The following SLC4A1 variants were observed in gnomAD, a reference collection of about 807,000 sequenced individuals.
The protein encoded by SLC4A1 is band 3 anion transport protein.
A neutral mutation model predicts 93.1 loss-of-function variants in SLC4A1; 29 were observed. The ratio of observed to expected loss-of-function variants is 0.31; its 90% CI spans 0.23 to 0.42. The LOEUF (loss-of-function observed/expected upper bound fraction) is 0.42. SLC4A1 is among the 20% of genes least tolerant of loss of function. SLC4A1 has a pLI of 1.00. For missense variants in SLC4A1, 965 were observed against 1,190.1 expected, an observed-to-expected ratio of 0.81 and a Z score of 2.78; for synonymous variants, 469 against 497.2, an observed-to-expected ratio of 0.94 and a Z score of 0.76.
chr17:44,260,829 C>A lies in SLC4A1; in HGVS notation c.169-14G>T, dbSNP rs758009143. The A allele has an allele frequency of 6.2e-7, 1 of 1,609,280 alleles. No individual in the cohort carries two copies. Among genetic ancestry groups the A allele is most frequent in the Non-Finnish European group, 8.5e-7 (1 of 1,179,974 alleles). On this transcript the variant is annotated splice_polypyrimidine_tract_variant and intron_variant, in intron 4 of 19. Transcript: ENST00000262418. Reference sequence around the variant, plus strand: ...CTCCACATAGACCTGTGGCCCCATGCGCCTGAGTTAGTTCATCAGGCATAG... The same window carrying A: ...CTCCACATAGACCTGTGGCCCCATGAGCCTGAGTTAGTTCATCAGGCATAG...
Position 44,250,187 on chromosome 17 carries a change from A to G in SLC4A1, c.*271T>C, listed in dbSNP as rs1191055112. 8 of 463,906 alleles carry G rather than the reference A, an allele frequency of 1.7e-5. No homozygotes were observed. Among genetic ancestry groups the G allele is most frequent in the Non-Finnish European group, 3.2e-5 (8 of 249,260 alleles). 28.7% of individuals were successfully genotyped at this position (463,906 alleles called of 1,614,324 possible). On this transcript the variant is annotated 3_prime_UTR_variant, in exon 20 of 20. Coordinates refer to ENST00000262418, the MANE Select transcript of SLC4A1 (RefSeq NM_000342.4). ...AGGGCTCAGATCTAAGTCTTCCAGC[A>G]CGGGATCCCCAGTGAAAGTGTGGCA...
chr17:44,266,347 G>T (rs2047495941), intron 1 of SLC4A1, among the ~76,000 whole-genome samples: 1 of 152,162 alleles, frequency 6.6e-6, no homozygotes, highest in Admixed American at 6.5e-5. Flanking sequence ...AGATGCTAAG[G>T]CCTCCAGGGT....
At chr17:44,253,663 T>G (rs1304671198) in intron 16 of SLC4A1, among the ~76,000 whole-genome samples, 1 of 152,152 alleles carries the variant, frequency 6.6e-6, no homozygotes, top group African/African-American at 2.4e-5. Context: ...AGTTGTCATT[T>G]TGCATTTTTT....
chr17:44,248,568 T>G lies in SLC4A1; in HGVS notation c.*1890A>C, dbSNP rs2047313267. 1 of 152,274 alleles carries G rather than the reference T, an allele frequency of 6.6e-6. No individual in the cohort carries two copies. The highest frequency in any genetic ancestry group is 1.5e-5 in the Non-Finnish European group (1 of 68,122). The allele number at this position is 152,274 out of a possible 1,614,324, so 9.4% of individuals were successfully genotyped here. A position where few individuals can be genotyped will look rare whatever the true frequency, so the allele number is the denominator to read the frequency against. Reference sequence around the variant, plus strand: ...GATCCCAGCAGCTCCCCTCCGAGGTTGGGCTCTTCACCAACCAAGGCCTTT... The same window carrying G: ...GATCCCAGCAGCTCCCCTCCGAGGTGGGGCTCTTCACCAACCAAGGCCTTT... On this transcript the variant is annotated 3_prime_UTR_variant, in exon 20 of 20. Coordinates refer to ENST00000262418, the MANE Select transcript of SLC4A1 (RefSeq NM_000342.4).
At chr17:44,262,097 T>TTGGCC in intron 3 of SLC4A1, 2 of 1,042,600 alleles carry the variant, frequency 1.9e-6, no homozygotes, top group Non-Finnish European at 2.3e-6. Context: ...CCCCTTATAT[T>TTGGCC]CCCACCCCTC....
chr17:44,251,717 T>TTTA, intron 17 of SLC4A1, 129 bp from the exon 18 acceptor site: 7 of 561,800 alleles, frequency 1.2e-5, no homozygotes, highest in Admixed American at 4.5e-5. Flanking sequence ...TTCCTTTTCT[T>TTTA]TTCTTTTTTT....
chr17:44,262,094 T>C, intron 3 of SLC4A1: 1 of 1,088,128 alleles, frequency 9.2e-7, no homozygotes. Context: ...CAGCCCCTTA[T>C]ATTCCCACCC....
At position 44,251,557 on chromosome 17, in the gene SLC4A1, G is replaced by A. The variant is rs745610165; in HGVS notation, c.2343C>T (p.Ser781=). Residue 781 remains serine (S), a synonymous_variant, in exon 18 of 20, where the codon TCC becomes TCT. Coordinates refer to ENST00000262418, the MANE Select transcript of SLC4A1 (RefSeq NM_000342.4). The part of the protein sequence containing the change: ...GLSILMEPIL[S]RIPLAVLFGI... Reference sequence around the variant, plus strand: ...CAAACAGTACAGCCAGGGGGATGCGGGACAGGATGGGCTCCATGAGGATGG... The same window carrying A: ...CAAACAGTACAGCCAGGGGGATGCGAGACAGGATGGGCTCCATGAGGATGG... 67 of 1,613,990 alleles carry A rather than the reference G, an allele frequency of 4.2e-5. 1 individual carries two copies. Among genetic ancestry groups the A allele is most frequent in the Non-Finnish European group, 5.2e-5 (61 of 1,180,022 alleles).
In SLC4A1 at chr17:44,253,186, C is replaced by T. The variant is rs886052996; in HGVS notation, c.2243G>A (p.Gly748Glu). Residue 748 changes from glycine (G) to glutamate (E), a missense_variant, in exon 17 of 20, where the codon GGG (glycine) becomes GAG (glutamate). Transcript: ENST00000262418. ...LTVMGKASTPGAAAQIQEVKE... is the reference protein window; with the variant it reads ...LTVMGKASTPEAAAQIQEVKE... ...GACCTCCTGGATCTGGGCTGCAGCC[C>T]CTGGGGTGCTGGCTTTGCCCATGAC... 1 of 1,613,896 alleles carries T rather than the reference C, an allele frequency of 6.2e-7. No homozygotes were observed. Among genetic ancestry groups the T allele is most frequent in the Admixed American group, 1.7e-5 (1 of 60,022 alleles).
chr17:44,253,488 C>G, intron 16 of SLC4A1, 117 bp from the exon 17 acceptor site: 1 of 1,296,208 alleles, frequency 7.7e-7, no homozygotes, highest in Non-Finnish European at 1.0e-6. Flanking sequence ...GCCCCTCGCT[C>G]TTTGAGTTCC....
chr17:44,251,573 A>C lies in SLC4A1; in HGVS notation c.2327T>G (p.Met776Arg). Residue 776 changes from methionine (M) to arginine (R), a missense_variant, in exon 18 of 20, where the codon ATG (methionine) becomes AGG (arginine). Physicochemically the swap from Met to Arg is moderately conservative, Grantham distance 91. Transcript: ENST00000262418. ...VAVLVGLSIL[M>R]EPILSRIPLA... ...GGGGATGCGGGACAGGATGGGCTCC[A>C]TGAGGATGGACAGGCCTGTGGGGGA... The C allele has an allele frequency of 6.2e-7, 1 of 1,614,066 alleles. No individual in the cohort carries two copies. The highest frequency in any genetic ancestry group is 8.5e-7 in the Non-Finnish European group (1 of 1,180,016).
At chr17:44,263,083 G>A (rs981907891) in intron 1 of SLC4A1, 149 bp from the exon 2 acceptor site, 5 of 700,642 alleles carry the variant, frequency 7.1e-6, no homozygotes, top group African/African-American at 3.5e-5. Flanking sequence ...AAGGGAGAAC[G>A]AGCTGGATTT....
In SLC4A1 at chr17:44,250,262, C is replaced by A. The variant is rs1046365753; in HGVS notation, c.*196G>T. The A allele has an allele frequency of 5.1e-6, 3 of 588,092 alleles. No homozygotes were observed. Among genetic ancestry groups the A allele is most frequent in the Admixed American group, 2.7e-5 (1 of 37,330 alleles). The allele number at this position is 588,092 out of a possible 1,614,324, so 36.4% of individuals were successfully genotyped here. On this transcript the variant is annotated 3_prime_UTR_variant, in exon 20 of 20. Transcript: ENST00000262418. ...CCCTAATGTGGGCCCCATCGGCCAT[C>A]CCCAGCCAGAAAAGCCAGGCTACCC...
At chr17:44,265,230 C>T (rs1598304877) in intron 1 of SLC4A1, among the ~76,000 whole-genome samples, 1 of 152,042 alleles carries the variant, frequency 6.6e-6, no homozygotes, top group South Asian at 2.1e-4. Flanking sequence ...TCAGTGCTTC[C>T]GAGGTGACAT....
At chr17:44,260,261 G>C in intron 6 of SLC4A1, 143 bp downstream of exon 6, 2 of 1,087,224 alleles carry the variant, frequency 1.8e-6, no homozygotes, top group South Asian at 2.9e-5. Context: ...CAAGGTGTCA[G>C]AGATGGGAGC....
At chr17:44,261,894 C>CT in intron 3 of SLC4A1, 1 of 1,029,774 alleles carries the variant, frequency 9.7e-7, no homozygotes. Flanking sequence ...GAGGCCTAGC[C>CT]CCTCCGCAGT....
chr17:44,257,408 A>G lies in SLC4A1; in HGVS notation c.1568T>C (p.Ile523Thr), dbSNP rs1157852154. The G allele has an allele frequency of 6.2e-7, 1 of 1,614,058 alleles. No homozygotes were observed. ...GATGAGGGAAATGAGGAAGGAGAAG[A>G]TCTCCTGGGTATAGCGGGAGATGAA... ...VRFISRYTQE[I>T]FSFLISLIFI... Residue 523 changes from isoleucine (I) to threonine (T), a missense_variant, in exon 13 of 20, where the codon ATC becomes ACC. Physicochemically the swap from Ile to Thr is moderately conservative, Grantham distance 89 (BLOSUM62 -1). This residue lies in a region of SLC4A1 where 770 missense variants were observed against 1,006.6 expected (regional missense o/e 0.76). Transcript: ENST00000262418.
At chr17:44,264,071 C>T (rs1235418376) in intron 1 of SLC4A1, among the ~76,000 whole-genome samples, 2 of 152,136 alleles carry the variant, frequency 1.3e-5, no homozygotes, top group African/African-American at 2.4e-5. Context: ...GGCATGATTA[C>T]AGCTCACATC....
At chr17:44,264,015 T>C (rs1407956343) in intron 1 of SLC4A1, among the ~76,000 whole-genome samples, 1 of 152,154 alleles carries the variant, frequency 6.6e-6, no homozygotes, top group Non-Finnish European at 1.5e-5. Flanking sequence ...TCTTTTTTAT[T>C]TTTTTGAGAG....
Sources: allele counts gnomAD v4.1 joint callset (sites outside exome capture counted in the v4.1 genomes callset), GRCh38; gene constraint gnomAD v4.1.1; regional missense constraint gnomAD v4.1.1; transcripts MANE v1.5; gene names NCBI Gene and HGNC (gene_info 2026-07-23, HGNC 2026-07-21).